TASP1: variants seen among roughly 807,000 people sequenced by gnomAD.
TASP1 encodes taspase 1.
Under a neutral mutation model 56.6 loss-of-function variants are expected in TASP1, and 16 were observed. That is an observed-to-expected ratio of 0.28 (90% confidence interval 0.19 to 0.43). The LOEUF is 0.43. TASP1 is among the 20% of genes least tolerant of loss of function. TASP1 has a pLI of 1.00. For missense variants in TASP1, 393 were observed against 511.6 expected, an observed-to-expected ratio of 0.77 and a Z score of 2.24; for synonymous variants, 179 against 184.2, an observed-to-expected ratio of 0.97 and a Z score of 0.23.
the TASP1 span, among the ~76,000 whole-genome samples, chr20:13,189,406 T>C: frequency 1.3e-5 from 2 of 152,272 alleles, no homozygotes; most frequent in South Asian, 4.1e-4. Context: ...AAACTGTGCA[T>C]CTGACAAAGA....
the TASP1 span, among the ~76,000 whole-genome samples, chr20:13,349,648 T>C: frequency 5.3e-5 from 8 of 152,164 alleles, no homozygotes; most frequent in Non-Finnish European, 1.0e-4. Context: ...GTTACCAAAA[T>C]CCTGATATTA....
chr20:13,526,788 G>A (rs2044997294), intron 10 of TASP1, among the ~76,000 whole-genome samples: 1 of 152,042 alleles, frequency 6.6e-6, no homozygotes, highest in African/African-American at 2.4e-5. Context: ...ATATGAGAGT[G>A]GTGCCAAGAT....
chr20:13,255,275 G>T, the TASP1 span, among the ~76,000 whole-genome samples: 1 of 152,112 alleles, frequency 6.6e-6, no homozygotes, highest in Non-Finnish European at 1.5e-5. Flanking sequence ...TTGAAAAAAT[G>T]GATAAAATGC....
At chr20:13,441,958 T>C (rs1457286499) in intron 11 of TASP1, among the ~76,000 whole-genome samples, 1 of 152,186 alleles carries the variant, frequency 6.6e-6, no homozygotes, top group Non-Finnish European at 1.5e-5. Flanking sequence ...AAACCTGTAA[T>C]AGCTCCCAAC....
rs181599177 is a variant in TASP1 at position 13,564,504 on chromosome 20, T to C, written c.568+5003A>G. ...TTTAATATTGTTAAGATGTCAGTAC[T>C]ACTAAAAGCAATCTACAGATTCAGT... On this transcript the variant is annotated intron_variant, in intron 7 of 13. Transcript: ENST00000337743. 2.2e-3 allele frequency among the ~76,000 whole-genome samples: 334 copies of C among 151,276 alleles called. 1 individual carries two copies. Among genetic ancestry groups the C allele is most frequent in the African/African-American group, 7.7e-3 (320 of 41,358 alleles).
chr20:13,531,113 C>T (rs773141518), intron 9 of TASP1, among the ~76,000 whole-genome samples: 9 of 152,154 alleles, frequency 5.9e-5, no homozygotes, highest in Non-Finnish European at 1.3e-4. Flanking sequence ...TTAACAGTAG[C>T]TATAGCTGTT....
chr20:13,213,187 T>TA, the TASP1 span, among the ~76,000 whole-genome samples: 43,951 of 151,322 alleles, frequency 0.29, 6,678 homozygotes, highest in African/African-American at 0.36. Flanking sequence ...CTTTAGTTAT[T>TA]AAAAAAAAAG....
the TASP1 span, among the ~76,000 whole-genome samples, chr20:13,229,152 T>C: frequency 0.14 from 16,056 of 114,324 alleles, 975 homozygotes; most frequent in African/African-American, 0.21. Flanking sequence ...CTCTCTCTCT[T>C]TCTGCATTTT....
chr20:13,559,676 T>A (rs554067647), intron 7 of TASP1, among the ~76,000 whole-genome samples: 1 of 152,308 alleles, frequency 6.6e-6, no homozygotes, highest in East Asian at 1.9e-4. Flanking sequence ...GGCATTTAGA[T>A]AGACCTCGAG....
the TASP1 span, chr20:13,300,661 TC>T: frequency 6.6e-6 from 1 of 152,216 alleles, no homozygotes; most frequent in Admixed American, 6.5e-5. Context: ...GTTACCTGCA[TC>T]CTTCATTTAT....
intron 11 of TASP1, among the ~76,000 whole-genome samples, chr20:13,436,220 G>A (rs544986622): frequency 6.6e-6 from 1 of 152,224 alleles, no homozygotes; most frequent in East Asian, 1.9e-4. Context: ...TCCTCTGAAG[G>A]CAGGGGTACA....
intron 3 of TASP1, among the ~76,000 whole-genome samples, chr20:13,623,786 T>C (rs2048795883): frequency 6.6e-6 from 1 of 152,230 alleles, no homozygotes; most frequent in East Asian, 1.9e-4. Flanking sequence ...GCTTCATTCA[T>C]TGTAAGGCAA....
intron 7 of TASP1, among the ~76,000 whole-genome samples, chr20:13,561,424 G>A (rs1287492662): frequency 6.6e-6 from 1 of 152,098 alleles, no homozygotes; most frequent in East Asian, 1.9e-4. Flanking sequence ...GGAGTACAGT[G>A]GCACAATCTG....
chr20:13,364,229 A>G, the TASP1 span, among the ~76,000 whole-genome samples: 1 of 152,220 alleles, frequency 6.6e-6, no homozygotes, highest in Non-Finnish European at 1.5e-5. Flanking sequence ...TCTAATAATA[A>G]GAAATAAAAG....
At chr20:13,506,971 GA>G (rs1385495264) in intron 10 of TASP1, among the ~76,000 whole-genome samples, 2 of 151,506 alleles carry the variant, frequency 1.3e-5, no homozygotes, top group Non-Finnish European at 2.9e-5. Flanking sequence ...CAGAAAGGGA[GA>G]AGTAAAACTG....
intron 8 of TASP1, among the ~76,000 whole-genome samples, chr20:13,542,933 CAAAGAA>C (rs956555469): frequency 5.0e-4 from 75 of 149,436 alleles, no homozygotes; most frequent in African/African-American, 1.6e-3. Flanking sequence ...AAGACAAACA[CAAAGAA>C]AAAGGGGGAA....
the TASP1 span, among the ~76,000 whole-genome samples, chr20:13,113,067 C>A: frequency 6.6e-6 from 1 of 151,404 alleles, no homozygotes; most frequent in East Asian, 1.9e-4. Flanking sequence ...CCCATAATCC[C>A]AGTTACTGAG....
At chr20:13,198,617 G>A in the TASP1 span, among the ~76,000 whole-genome samples, 1 of 152,082 alleles carries the variant, frequency 6.6e-6, no homozygotes, top group African/African-American at 2.4e-5. Context: ...TGTTACTATA[G>A]GCAAGGCAAT....
chr20:13,523,533 T>C (rs1221717668), intron 10 of TASP1, among the ~76,000 whole-genome samples: 1 of 152,152 alleles, frequency 6.6e-6, no homozygotes, highest in Non-Finnish European at 1.5e-5. Context: ...CCTCTGGTTG[T>C]TAAGTTGAGA....
Sources: allele counts gnomAD v4.1 joint callset (sites outside exome capture counted in the v4.1 genomes callset), GRCh38; gene constraint gnomAD v4.1.1; transcripts MANE v1.5; gene names NCBI Gene and HGNC (gene_info 2026-07-23, HGNC 2026-07-21).